The following MN1 variants were observed in gnomAD, a reference collection of about 807,000 sequenced individuals.
MN1 encodes the protein MN1 proto-oncogene, transcriptional regulator.
MN1 carries 19 observed loss-of-function variants against 86.9 expected under a neutral mutation model. The observed-to-expected ratio is 0.22, with a 90% CI of 0.15 to 0.32. MN1 has a LOEUF of 0.32. Ranked by LOEUF, MN1 falls within the 10% of genes least tolerant of loss-of-function variation. The pLI is 1.00. For missense variants in MN1, 1,841 were observed against 1,862.0 expected, an observed-to-expected ratio of 0.99 and a Z score of 0.21; for synonymous variants, 928 against 849.6, an observed-to-expected ratio of 1.09 and a Z score of -1.60.
chr22:27,787,154 G>A (rs1046829761), intron 1 of MN1, among the ~76,000 whole-genome samples: 5 of 152,164 alleles, frequency 3.3e-5, no homozygotes, highest in South Asian at 2.1e-4. Context: ...GTGCACGTGC[G>A]TGTGTGCACG....
rs754613102 is a variant in MN1, at chr22:27,750,891, A to G, written c.*24T>C. The stretch of plus-strand genomic sequence containing the variant: ...GACAGGGGGAGAGGAAGGGCCTGGT[A>G]GAGGAGGGGATCTTTCTTGTCATTC... On this transcript the variant is annotated 3_prime_UTR_variant, in exon 2 of 2. Transcript: ENST00000302326. 5 of 1,553,360 alleles carry G rather than the reference A, an allele frequency of 3.2e-6. No individual in the cohort carries two copies. The Admixed American group carries it at 5.3e-5, about 17-fold the overall frequency.
intron 1 of MN1, among the ~76,000 whole-genome samples, chr22:27,756,381 G>T (rs45594533): frequency 6.6e-6 from 1 of 152,034 alleles, no homozygotes; most frequent in Non-Finnish European, 1.5e-5. Flanking sequence ...GTCGTGAGCC[G>T]GGCGGAGGTG....
At chr22:27,754,514 A>G (rs1932789929) in intron 1 of MN1, among the ~76,000 whole-genome samples, 3 of 152,358 alleles carry the variant, frequency 2.0e-5, no homozygotes, top group African/African-American at 7.2e-5. Flanking sequence ...AGAGCCAACC[A>G]GTCTGGTATC....
chr22:27,759,434 G>A (rs1043668688), intron 1 of MN1, among the ~76,000 whole-genome samples: 2 of 152,162 alleles, frequency 1.3e-5, no homozygotes, highest in Non-Finnish European at 2.9e-5. Flanking sequence ...AACCAAGCAG[G>A]AAAACAGCAA....
intron 1 of MN1, among the ~76,000 whole-genome samples, chr22:27,756,067 G>A (rs1932800338): frequency 2.6e-5 from 4 of 152,224 alleles, no homozygotes; most frequent in African/African-American, 7.2e-5. Flanking sequence ...CTGGCTATGA[G>A]TACAGCCTGT....
intron 1 of MN1, among the ~76,000 whole-genome samples, chr22:27,796,295 G>T (rs559745678): frequency 1.2e-4 from 18 of 152,180 alleles, no homozygotes; most frequent in Non-Finnish European, 2.6e-4. Flanking sequence ...ACTAGCGCTA[G>T]AGGCTGACTA....
intron 1 of MN1, among the ~76,000 whole-genome samples, chr22:27,765,984 C>G (rs1932866700): frequency 6.6e-6 from 1 of 152,186 alleles, no homozygotes; most frequent in Admixed American, 6.5e-5. Flanking sequence ...AGGGTCCCGG[C>G]AGATCCAGCC....
chr22:27,800,652 C>CA lies in MN1; in HGVS notation c.-110dup. ...CCAGGATTGGGCGCTCCGGGACGCT[C>CA]AGCACCGCGGGGGCTCAGCGCGCAC... On this transcript the variant is annotated 5_prime_UTR_variant, in exon 1 of 2. Coordinates refer to ENST00000302326, the MANE Select transcript of MN1 (RefSeq NM_002430.3). 6.5e-7 allele frequency: 1 copy of CA among 1,528,748 alleles called. No individual in the cohort carries two copies. The highest frequency in any genetic ancestry group is 2.3e-5 in the East Asian group (1 of 42,774). 94.7% of individuals were successfully genotyped at this position (1,528,748 alleles called of 1,614,324 possible).
At chr22:27,753,052 C>T (rs2146292482) in intron 1 of MN1, among the ~76,000 whole-genome samples, 1 of 152,340 alleles carries the variant, frequency 6.6e-6, no homozygotes, top group South Asian at 2.1e-4. Flanking sequence ...ACTAACTGGG[C>T]TTGGGGCCCC....
At chr22:27,751,121 A>G in intron 1 of MN1, 25 bp from the exon 2 acceptor site, 1 of 1,524,398 alleles carries the variant, frequency 6.6e-7, no homozygotes. Flanking sequence ...GGAAGAGAGG[A>G]CATTAGTGGC....
intron 1 of MN1, among the ~76,000 whole-genome samples, chr22:27,780,151 T>C (rs1601334417): frequency 6.6e-6 from 1 of 152,326 alleles, no homozygotes; most frequent in Non-Finnish European, 1.5e-5. Flanking sequence ...CACCGTTCAA[T>C]GCACATCTAC....
intron 1 of MN1, among the ~76,000 whole-genome samples, chr22:27,785,280 G>A (rs1933111483): frequency 6.6e-6 from 1 of 152,208 alleles, no homozygotes; most frequent in African/African-American, 2.4e-5. Flanking sequence ...ACTGCTCGGA[G>A]TCTGGGTGTT....
chr22:27,797,592 T>G lies in MN1; in HGVS notation c.2952A>C (p.Ala984=). ...VSPGQQQASG[A]AVGGSSAGET... is the part of the protein sequence containing the mutation. ...CGCCTGCGGAGCTTCCCCCGACGGC[T>G]GCGCCTGACGCTTGCTGCTGCCCTG... The change falls in exon 1 of 2, where the codon GCA becomes GCC. Residue 984 remains alanine, a synonymous_variant. Transcript: ENST00000302326. 1 of 1,597,502 alleles carries G rather than the reference T, an allele frequency of 6.3e-7. No homozygotes were observed. The highest frequency in any genetic ancestry group is 8.5e-7 in the Non-Finnish European group (1 of 1,171,538).
Position 27,799,192 on chromosome 22 carries a change from A to T in MN1, c.1352T>A (p.Met451Lys), listed in dbSNP as rs1482029681. ...GAAGCGCGGCCTCTTGGCCACGTTC[A>T]TGTAGGGGGGCGCGTCGAAATGCTG... ...RLQHFDAPPY[M>K]NVAKRPRFDF... Residue 451 changes from methionine to lysine, a missense_variant, in exon 1 of 2, where the codon ATG (methionine) becomes AAG (lysine). Coordinates refer to ENST00000302326, the MANE Select transcript of MN1 (RefSeq NM_002430.3). 1 of 1,606,082 alleles carries T rather than the reference A, an allele frequency of 6.2e-7. No individual in the cohort carries two copies. Among genetic ancestry groups the T allele is most frequent in the Admixed American group, 1.7e-5 (1 of 59,684 alleles).
At chr22:27,763,425 C>CA (rs1411116063) in intron 1 of MN1, among the ~76,000 whole-genome samples, 1 of 152,224 alleles carries the variant, frequency 6.6e-6, no homozygotes, top group African/African-American at 2.4e-5. Flanking sequence ...TGTGCACAGT[C>CA]ACGCACTTTG....
chr22:27,771,734 CAAAATATTTACTCT>C (rs1053316874), intron 1 of MN1, among the ~76,000 whole-genome samples: 1 of 152,066 alleles, frequency 6.6e-6, no homozygotes, highest in Non-Finnish European at 1.5e-5. Context: ...ATGCAGAATC[CAAAATATTTACTCT>C]CTGACCCTTA....
intron 1 of MN1, among the ~76,000 whole-genome samples, chr22:27,758,227 C>G (rs556198625): frequency 1.3e-5 from 2 of 152,254 alleles, no homozygotes; most frequent in South Asian, 4.2e-4. Context: ...TGCACTGAAG[C>G]CCCAACTATA....
chr22:27,755,406 G>A (rs1271203357), intron 1 of MN1, among the ~76,000 whole-genome samples: 1 of 152,204 alleles, frequency 6.6e-6, no homozygotes, highest in Non-Finnish European at 1.5e-5. Context: ...AGGGGGCCGA[G>A]GGCAGGGGCC....
At position 27,763,427 on chromosome 22, in the gene MN1, C is replaced by T. The variant is rs1367880205; in HGVS notation, c.3782-12331G>A. On this transcript the variant is annotated intron_variant, in intron 1 of 1. Transcript: ENST00000302326. ...CATAGGGGTCAGTTGTGCACAGTCA[C>T]GCACTTTGGAGACAGAGGCCTGAGT... Among the ~76,000 whole-genome samples the T allele has an allele frequency of 3.9e-5, 6 of 152,314 alleles. No individual in the cohort carries two copies. In the South Asian group the frequency reaches 1.0e-3, roughly 26 times the overall value.
Sources: allele counts gnomAD v4.1 joint callset (sites outside exome capture counted in the v4.1 genomes callset), GRCh38; gene constraint gnomAD v4.1.1; transcripts MANE v1.5; gene names NCBI Gene and HGNC (gene_info 2026-07-23, HGNC 2026-07-21).